Variants in TBC1D23 observed in about 807,000 individuals in gnomAD.
TBC1D23 encodes the protein TBC1 domain family member 23.
In TBC1D23, 55 loss-of-function variants were observed where a neutral mutation model predicts 91.4. The observed-to-expected ratio is 0.60, with a 90% confidence interval of 0.48 to 0.75. The LOEUF is 0.75. Among genes scored for constraint, TBC1D23 ranks in the 30% least tolerant of loss-of-function variants. TBC1D23 has a pLI of 0.00. For missense variants in TBC1D23, 725 were observed against 836.1 expected, an observed-to-expected ratio of 0.87 and a Z score of 1.64; for synonymous variants, 289 against 281.0, an observed-to-expected ratio of 1.03 and a Z score of -0.28.
intron 15 of TBC1D23, 59 bp from the exon 16 acceptor site, chr3:100,316,040 T>C: frequency 2.2e-6 from 3 of 1,368,170 alleles, no homozygotes; most frequent in Non-Finnish European, 3.1e-6. Context: ...TGATGCTTGG[T>C]AAAAATCTTT....
At chr3:100,299,199 A>AT (rs1559809470) in intron 9 of TBC1D23, 40 bp from the exon 10 acceptor site, 7 of 1,360,068 alleles carry the variant, frequency 5.1e-6, no homozygotes, top group Non-Finnish European at 7.3e-6. Flanking sequence ...TGTGAACCTC[A>AT]TGGGAAATTC....
intron 1 of TBC1D23, among the ~76,000 whole-genome samples, chr3:100,272,397 T>A (rs1189998055): frequency 1.3e-5 from 2 of 152,208 alleles, no homozygotes; most frequent in Non-Finnish European, 2.9e-5. Context: ...TTGCTAGTGA[T>A]AATGGCCTCC....
intron 4 of TBC1D23, among the ~76,000 whole-genome samples, chr3:100,288,448 C>T (rs1057408883): frequency 6.6e-6 from 1 of 152,088 alleles, no homozygotes; most frequent in Non-Finnish European, 1.5e-5. Flanking sequence ...GTATACAAGT[C>T]TTAGCTCCAT....
At chr3:100,290,900 T>C (rs2067784238) in intron 5 of TBC1D23, among the ~76,000 whole-genome samples, 199 bp downstream of exon 5, 1 of 152,214 alleles carries the variant, frequency 6.6e-6, no homozygotes, top group Non-Finnish European at 1.5e-5. Context: ...TTATTTGATA[T>C]GAAGTTCACT....
At chr3:100,316,863 G>A (rs1054948337) in intron 16 of TBC1D23, among the ~76,000 whole-genome samples, 74 of 151,942 alleles carry the variant, frequency 4.9e-4, no homozygotes, top group African/African-American at 1.7e-3. Flanking sequence ...AGGCTGAGGC[G>A]GGCGGATCAC....
chr3:100,317,489 G>T (rs897862654), intron 16 of TBC1D23, among the ~76,000 whole-genome samples: 1 of 152,088 alleles, frequency 6.6e-6, no homozygotes, highest in Admixed American at 6.6e-5. Flanking sequence ...AGCTTCTGAT[G>T]ACAGTATATT....
intron 13 of TBC1D23, among the ~76,000 whole-genome samples, chr3:100,309,962 G>A (rs1444804582): frequency 2.6e-5 from 4 of 152,082 alleles, no homozygotes; most frequent in Admixed American, 6.6e-5. Context: ...TGCAGCTGCC[G>A]CAACAAAATA....
At chr3:100,315,887 C>G in intron 15 of TBC1D23, 1 of 554,072 alleles carries the variant, frequency 1.8e-6, no homozygotes, top group Non-Finnish European at 3.2e-6. Context: ...TTCAGCCTAC[C>G]AAGGCCTTAT....
chr3:100,312,880 G>A lies in TBC1D23; in HGVS notation c.1598+1003G>A, dbSNP rs564253613. 3.3e-5 allele frequency among the ~76,000 whole-genome samples: 5 copies of A among 152,040 alleles called. No individual in the cohort carries two copies. The South Asian group carries it at 8.3e-4, about 25-fold the overall frequency. On this transcript the variant is annotated intron_variant, in intron 15 of 18. Transcript: ENST00000394144. ...TCTAAGACTATACTTTCAGCCGGGCGCAATGGCTCACACCTGTAATCCCAG... is the reference window on the plus strand; with the variant it reads ...TCTAAGACTATACTTTCAGCCGGGCACAATGGCTCACACCTGTAATCCCAG...
chr3:100,288,800 C>G (rs146873859), intron 4 of TBC1D23, among the ~76,000 whole-genome samples: 1 of 152,336 alleles, frequency 6.6e-6, no homozygotes, highest in African/African-American at 2.4e-5. Context: ...GCCTACTGGT[C>G]TAACTGAAGA....
Position 100,316,192 on chromosome 3 carries a change from A to G in TBC1D23, c.1687+5A>G, listed in dbSNP as rs191066895. 7.2e-5 allele frequency: 115 copies of G among 1,603,680 alleles called. No homozygotes were observed. The East Asian group carries it at 2.1e-3, about 29-fold the overall frequency. On this transcript the variant is annotated splice_donor_5th_base_variant and intron_variant, in intron 16 of 18. Coordinates refer to ENST00000394144, the MANE Select transcript of TBC1D23 (RefSeq NM_001199198.3). The stretch of plus-strand genomic sequence containing the variant: ...ATGAAGAAGAATACGACACAGGTGT[A>G]GTAATACACTTAGCTACAGACAGCT...
intron 1 of TBC1D23, among the ~76,000 whole-genome samples, chr3:100,272,440 A>G (rs1483793826): frequency 1.3e-5 from 2 of 152,144 alleles, no homozygotes; most frequent in Non-Finnish European, 2.9e-5. Context: ...AAAACATTCC[A>G]TCCTCATGGA....
chr3:100,304,884 T>C lies in TBC1D23; in HGVS notation c.1302T>C (p.Phe434=). 1 of 1,484,256 alleles carries C rather than the reference T, an allele frequency of 6.7e-7. No homozygotes were observed. The highest frequency in any genetic ancestry group is 9.4e-7 in the Non-Finnish European group (1 of 1,064,204). 91.9% of individuals were successfully genotyped at this position (1,484,256 alleles called of 1,614,324 possible). A position where few individuals can be genotyped will look rare whatever the true frequency, so the allele number is the denominator to read the frequency against. ...KEYVSIASGG[F]MALQQHLADI... is the part of the protein sequence containing the mutation. ...ATGTGAGTATTGCCAGTGGAGGATT[T>C]ATGGGTAAGATTTTGATTTATTAGT... The change falls in exon 12 of 19, where the codon TTT becomes TTC. Residue 434 remains phenylalanine (F), a synonymous_variant. Coordinates refer to ENST00000394144, the MANE Select transcript of TBC1D23 (RefSeq NM_001199198.3).
In TBC1D23 at chr3:100,310,530, C is replaced by T. The variant is rs1309267128; in HGVS notation, c.1541C>T (p.Thr514Ile). 6 of 1,612,204 alleles carry T rather than the reference C, an allele frequency of 3.7e-6. No homozygotes were observed. Among genetic ancestry groups the T allele is most frequent in the Non-Finnish European group, 5.1e-6 (6 of 1,179,202 alleles). The change falls in exon 14 of 19, where the codon ACT (threonine) becomes ATT (isoleucine). Residue 514 changes from threonine to isoleucine, a missense_variant. Thr to Ile is a moderately conservative substitution (Grantham distance 89). Transcript: ENST00000394144. The part of the protein sequence containing the change: ...KVISFIENTS[T>I]PVDRMSFNLP... ...ATCAGTTTTATAGAGAATACATCAA[C>T]TCCTGTGGATCGGTGAGTTGTTTAT...
At chr3:100,278,371 C>G (rs1458592230) in intron 1 of TBC1D23, among the ~76,000 whole-genome samples, 1 of 151,784 alleles carries the variant, frequency 6.6e-6, no homozygotes, top group Non-Finnish European at 1.5e-5. Context: ...TTGAAAATTC[C>G]TAAGGAATTG....
At chr3:100,306,353 T>G in intron 12 of TBC1D23, 84 bp from the exon 13 acceptor site, 2 of 731,878 alleles carry the variant, frequency 2.7e-6, no homozygotes, top group Non-Finnish European at 4.7e-6. Context: ...AGCTGTGACA[T>G]GTTTATTGTA....
At chr3:100,321,149 A>G (rs1482544575) in intron 18 of TBC1D23, among the ~76,000 whole-genome samples, 178 bp downstream of exon 18, 1 of 152,162 alleles carries the variant, frequency 6.6e-6, no homozygotes, top group African/African-American at 2.4e-5. Flanking sequence ...TGGTTTAGCC[A>G]TTAGCACATG....
chr3:100,274,864 T>C (rs2067633997), intron 1 of TBC1D23, among the ~76,000 whole-genome samples: 1 of 149,156 alleles, frequency 6.7e-6, no homozygotes, highest in Non-Finnish European at 1.5e-5. Flanking sequence ...ATTTGTTTAT[T>C]AATTACATAT....
At chr3:100,287,015 A>G (rs577348560) in intron 4 of TBC1D23, among the ~76,000 whole-genome samples, 1 of 151,734 alleles carries the variant, frequency 6.6e-6, no homozygotes, top group Non-Finnish European at 1.5e-5. Context: ...GGGTTTTACC[A>G]TTGGCCAAAC....
Sources: gnomAD v4.1 joint callset for allele counts (sites outside exome capture counted in the v4.1 genomes callset) on GRCh38, gnomAD v4.1.1 for gene constraint, MANE v1.5 for transcripts, NCBI Gene and HGNC (gene_info 2026-07-23, HGNC 2026-07-21) for gene names.